COMMD1: variants seen among roughly 807,000 people sequenced by gnomAD.
The protein encoded by COMMD1 is copper metabolism domain containing 1, also known as COMM domain-containing protein 1.
Under a neutral mutation model 17.2 loss-of-function variants are expected in COMMD1, and 10 were observed. The ratio of observed to expected loss-of-function variants is 0.58; its 90% CI spans 0.36 to 0.99. The LOEUF (loss-of-function observed/expected upper bound fraction) is 0.99, where lower values mean the gene tolerates loss of function less well. Among genes scored for constraint, COMMD1 ranks in the 50% least tolerant of loss-of-function variants. The pLI, the probability that COMMD1 is intolerant of heterozygous loss-of-function variation, is 0.01. For synonymous variants in COMMD1, 97 were observed against 91.6 expected (o/e 1.06, Z -0.34); for missense variants, 270 against 231.8 (o/e 1.17, Z -1.07).
intron 1 of COMMD1, among the ~76,000 whole-genome samples, chr2:61,925,191 G>C (rs556132657): frequency 2.0e-5 from 3 of 151,954 alleles, no homozygotes; most frequent in African/African-American, 7.3e-5. Flanking sequence ...GAGGGAGAGA[G>C]TGGGGGAGAG....
chr2:61,928,322 G>C (rs776976505), intron 1 of COMMD1, among the ~76,000 whole-genome samples: 2 of 151,812 alleles, frequency 1.3e-5, no homozygotes, highest in Non-Finnish European at 2.9e-5. Context: ...TACCATGCCT[G>C]GCTAATTTTT....
chr2:61,967,546 A>G (rs1049591778), intron 1 of COMMD1, among the ~76,000 whole-genome samples: 14 of 152,204 alleles, frequency 9.2e-5, no homozygotes, highest in Non-Finnish European at 2.1e-4. Context: ...AAGCAGGTCC[A>G]TATGCTGTTC....
chr2:61,990,877 CAAAAAA>C (rs139284456), intron 1 of COMMD1, among the ~76,000 whole-genome samples: 13 of 111,652 alleles, frequency 1.2e-4, no homozygotes, highest in East Asian at 2.5e-4. Flanking sequence ...TCTGTCTTTA[CAAAAAA>C]AAAAAAAAAT....
intron 1 of COMMD1, among the ~76,000 whole-genome samples, chr2:61,914,735 G>A (rs891200006): frequency 5.3e-5 from 8 of 151,932 alleles, no homozygotes; most frequent in African/African-American, 1.9e-4. Flanking sequence ...CTGTTGCCCA[G>A]GCTGGAGTGC....
rs933352109 is a variant in COMMD1 at position 61,966,038 on chromosome 2, C to T, written c.181-34663C>T. 4.6e-5 allele frequency among the ~76,000 whole-genome samples: 7 copies of T among 152,290 alleles called. No individual in the cohort carries two copies. In the South Asian group the frequency reaches 8.3e-4, roughly 18 times the overall value. ...CTGAGCACAGTCATTTTCTATACAT[C>T]AGAGCTGTTCCCAATTGCTTGAGAC... On this transcript the variant is annotated intron_variant, in intron 1 of 2. Transcript: ENST00000311832.
At chr2:62,092,762 T>A (rs1238463492) in intron 2 of COMMD1, among the ~76,000 whole-genome samples, 1 of 152,110 alleles carries the variant, frequency 6.6e-6, no homozygotes, top group Non-Finnish European at 1.5e-5. Context: ...CCCCTTTGAG[T>A]AAGGCCAGTT....
At chr2:61,902,065 T>G (rs546561626), upstream of COMMD1, among the ~76,000 whole-genome samples, 110 of 151,990 alleles carry the variant, frequency 7.2e-4, no homozygotes, top group African/African-American at 2.3e-3. Flanking sequence ...TCTCTTGACC[T>G]CGTGATCCAC....
At chr2:62,117,048 G>C (rs1306430301) in intron 2 of COMMD1, among the ~76,000 whole-genome samples, 3 of 149,988 alleles carry the variant, frequency 2.0e-5, no homozygotes, top group Non-Finnish European at 4.4e-5. Flanking sequence ...CAGTTCTGCT[G>C]CTGATGGTAA....
chr2:62,017,053 C>G (rs1354941530), intron 2 of COMMD1, among the ~76,000 whole-genome samples: 1 of 152,196 alleles, frequency 6.6e-6, no homozygotes, highest in Non-Finnish European at 1.5e-5. Context: ...AAACAGAGCT[C>G]TTATCACCCA....
At chr2:61,956,422 T>C (rs1193484305) in intron 1 of COMMD1, among the ~76,000 whole-genome samples, 4 of 152,176 alleles carry the variant, frequency 2.6e-5, no homozygotes, top group Non-Finnish European at 4.4e-5. Context: ...ATTTTTTTTT[T>C]TTTTGGAGAT....
chr2:62,095,922 T>C (rs7603738), intron 2 of COMMD1, among the ~76,000 whole-genome samples: 53,347 of 144,926 alleles, frequency 0.37, 10,601 homozygotes, highest in African/African-American at 0.52. Flanking sequence ...TATACATATA[T>C]ATATATATGT....
At chr2:61,997,988 C>T (rs887153915) in intron 1 of COMMD1, among the ~76,000 whole-genome samples, 4 of 152,244 alleles carry the variant, frequency 2.6e-5, no homozygotes, top group African/African-American at 9.6e-5. Flanking sequence ...TGCTGCAGCT[C>T]ATACGTCAGC....
chr2:61,892,064 C>A (rs961026252), intron 1 of COMMD1, among the ~76,000 whole-genome samples: 4 of 151,722 alleles, frequency 2.6e-5, no homozygotes, highest in Non-Finnish European at 5.9e-5. Context: ...ATCTCCTGAC[C>A]CGGTGATCCG....
chr2:61,901,725 A>G (rs1179813206), upstream of COMMD1, among the ~76,000 whole-genome samples: 1 of 152,202 alleles, frequency 6.6e-6, no homozygotes, highest in Non-Finnish European at 1.5e-5. Flanking sequence ...AGATATTTAG[A>G]AAAATCAGAT....
At chr2:61,929,931 C>CA (rs762661019) in intron 1 of COMMD1, among the ~76,000 whole-genome samples, 77 of 138,612 alleles carry the variant, frequency 5.6e-4, no homozygotes, top group Middle Eastern at 3.7e-3. Context: ...GACCCTGTCT[C>CA]AAAAAAAAAA....
At chr2:61,933,406 A>G (rs546095250) in intron 1 of COMMD1, among the ~76,000 whole-genome samples, 1 of 151,962 alleles carries the variant, frequency 6.6e-6, no homozygotes, top group East Asian at 1.9e-4. Flanking sequence ...AGGACGTGGC[A>G]GGCCAAAAAG....
At chr2:61,903,555 C>CTT (rs766745369), upstream of COMMD1, among the ~76,000 whole-genome samples, 1 of 143,268 alleles carries the variant, frequency 7.0e-6, no homozygotes, top group Non-Finnish European at 1.5e-5. Context: ...TCAGTTGTCA[C>CTT]TTTTTTTTTT....
intron 1 of COMMD1, chr2:61,969,063 A>G (rs1034948231): frequency 9.1e-6 from 4 of 440,604 alleles, no homozygotes; most frequent in Non-Finnish European, 9.1e-6. Flanking sequence ...GGCTCAAGTG[A>G]TTCTCCTGCC....
chr2:62,058,734 T>A (rs1448323274), intron 2 of COMMD1, among the ~76,000 whole-genome samples: 1 of 150,884 alleles, frequency 6.6e-6, no homozygotes, highest in African/African-American at 2.4e-5. Flanking sequence ...CAAAACCCTG[T>A]CTCAAAAAAA....
Sources: gnomAD v4.1 joint callset for allele counts (sites outside exome capture counted in the v4.1 genomes callset) on GRCh38, gnomAD v4.1.1 for gene constraint, MANE v1.5 for transcripts, NCBI Gene and HGNC (gene_info 2026-07-23, HGNC 2026-07-21) for gene names.